The following CTNNA2 variants were observed in gnomAD, a reference collection of about 807,000 sequenced individuals.
The protein encoded by CTNNA2 is catenin alpha 2.
Under a neutral mutation model 101.0 loss-of-function variants are expected in CTNNA2, and 42 were observed. The ratio of observed to expected loss-of-function variants is 0.42; its 90% CI spans 0.32 to 0.54. CTNNA2 has a LOEUF of 0.54. CTNNA2 is among the 20% of genes least tolerant of loss of function. The pLI, the probability that CTNNA2 is intolerant of heterozygous loss-of-function variation, is 0.14. For missense variants in CTNNA2, 871 were observed against 1,223.1 expected (o/e 0.71, Z 4.29); for synonymous variants, 450 against 456.4 (o/e 0.99, Z 0.18).
intron 2 of CTNNA2, among the ~76,000 whole-genome samples, chr2:79,681,995 A>G (rs1230044932): frequency 2.6e-5 from 4 of 152,216 alleles, no homozygotes; most frequent in Non-Finnish European, 5.9e-5. Context: ...AATTCAAATG[A>G]GCAGAAATGT....
At chr2:79,695,595 T>C (rs979115675) in intron 2 of CTNNA2, among the ~76,000 whole-genome samples, 4 of 152,008 alleles carry the variant, frequency 2.6e-5, no homozygotes, top group African/African-American at 9.7e-5. Flanking sequence ...AGTGGAGTTT[T>C]CAGCCCTCTG....
At chr2:79,324,395 C>T (rs540050725) in intron 3 of CTNNA2, among the ~76,000 whole-genome samples, 1 of 152,166 alleles carries the variant, frequency 6.6e-6, no homozygotes, top group East Asian at 1.9e-4. Flanking sequence ...GGCATGGGGG[C>T]TGAGGCATAG....
chr2:80,392,966 G>A (rs1267607869), intron 7 of CTNNA2, among the ~76,000 whole-genome samples: 1 of 152,164 alleles, frequency 6.6e-6, no homozygotes, highest in African/African-American at 2.4e-5. Flanking sequence ...ACACAGATTT[G>A]TGTGGAGTTG....
chr2:80,361,631 G>GA (rs1674415246), intron 7 of CTNNA2, among the ~76,000 whole-genome samples: 1 of 152,082 alleles, frequency 6.6e-6, no homozygotes, highest in African/African-American at 2.4e-5. Flanking sequence ...GTCACAACTA[G>GA]AAAAATACAG....
chr2:79,308,164 C>T (rs1176878537), intron 2 of CTNNA2, among the ~76,000 whole-genome samples: 1 of 152,120 alleles, frequency 6.6e-6, no homozygotes, highest in Non-Finnish European at 1.5e-5. Flanking sequence ...CCTGCCTCAG[C>T]CTTCTGAGTA....
At position 80,300,775 on chromosome 2, in the gene CTNNA2, T is replaced by C. The variant is rs578049848; in HGVS notation, c.1057-92436T>C. 2.0e-5 allele frequency among the ~76,000 whole-genome samples: 3 copies of C among 152,270 alleles called. No homozygotes were observed. The East Asian group carries it at 5.8e-4, about 29-fold the overall frequency. ...AATCATACATTTGCTTAAATTGTCATCTGATGAAGGAGCCCTCCGTCCAAT... is the reference window on the plus strand; with the variant it reads ...AATCATACATTTGCTTAAATTGTCACCTGATGAAGGAGCCCTCCGTCCAAT... On this transcript the variant is annotated intron_variant, in intron 7 of 18. Coordinates refer to ENST00000402739, the MANE Select transcript of CTNNA2 (RefSeq NM_001282597.3).
chr2:79,462,007 G>A (rs997908543), intron 4 of CTNNA2, among the ~76,000 whole-genome samples: 2 of 152,048 alleles, frequency 1.3e-5, no homozygotes, highest in Non-Finnish European at 2.9e-5. Flanking sequence ...CAAATGTACA[G>A]TGTGTGAATT....
intron 2 of CTNNA2, among the ~76,000 whole-genome samples, chr2:79,235,973 T>C (rs1265972175): frequency 6.6e-6 from 1 of 152,192 alleles, no homozygotes; most frequent in African/African-American, 2.4e-5. Flanking sequence ...ACTTCTTGGC[T>C]GGAAGCTCTA....
chr2:80,601,152 A>C (rs978387831), intron 15 of CTNNA2, among the ~76,000 whole-genome samples: 8 of 152,112 alleles, frequency 5.3e-5, no homozygotes, highest in African/African-American at 1.9e-4. Context: ...CGTATGTATA[A>C]GCCTACTCCA....
chr2:79,518,182 T>C (rs769152076), intron 1 of CTNNA2, among the ~76,000 whole-genome samples: 1 of 152,238 alleles, frequency 6.6e-6, no homozygotes, highest in Non-Finnish European at 1.5e-5. Context: ...AAATCATATG[T>C]TGATTTTTCA....
intron 18 of CTNNA2, among the ~76,000 whole-genome samples, chr2:80,624,272 C>T (rs976120396): frequency 5.9e-5 from 9 of 151,956 alleles, no homozygotes; most frequent in African/African-American, 2.2e-4. Flanking sequence ...GCATTCTCAT[C>T]ATGACTGGAA....
chr2:79,877,803 A>T (rs1447776879), intron 6 of CTNNA2, among the ~76,000 whole-genome samples: 2 of 152,170 alleles, frequency 1.3e-5, no homozygotes, highest in Non-Finnish European at 2.9e-5. Flanking sequence ...TGCAAAATAT[A>T]TTTTCATAGA....
chr2:80,603,470 C>T (rs2149773423), intron 15 of CTNNA2: 1 of 152,088 alleles, frequency 6.6e-6, no homozygotes, highest in South Asian at 2.1e-4. Flanking sequence ...GAAATTCTGG[C>T]CAAACAGTTC....
intron 1 of CTNNA2, among the ~76,000 whole-genome samples, chr2:79,513,837 T>C (rs1296031205): frequency 6.6e-6 from 1 of 152,144 alleles, no homozygotes; most frequent in Non-Finnish European, 1.5e-5. Context: ...ATTTCCAGTG[T>C]GTGTCTCACC....
chr2:79,284,759 A>G (rs1675511518), intron 2 of CTNNA2, among the ~76,000 whole-genome samples: 1 of 150,380 alleles, frequency 6.6e-6, no homozygotes, highest in Non-Finnish European at 1.5e-5. Context: ...TGGTATCCGG[A>G]TGATGCTGGC....
chr2:80,043,290 T>C (rs1325086998), intron 7 of CTNNA2, among the ~76,000 whole-genome samples: 1 of 149,568 alleles, frequency 6.7e-6, no homozygotes, highest in Non-Finnish European at 1.5e-5. Flanking sequence ...CTCCACCTCC[T>C]GGGTTCAAGC....
At chr2:80,412,433 T>C (rs72914919) in intron 8 of CTNNA2, among the ~76,000 whole-genome samples, 2,133 of 152,322 alleles carry the variant, frequency 0.014, 57 homozygotes, top group African/African-American at 0.048. Flanking sequence ...CCCATGGCTA[T>C]ATAATGGAAC....
intron 7 of CTNNA2, among the ~76,000 whole-genome samples, chr2:80,359,150 A>T (rs1481044790): frequency 1.3e-5 from 2 of 152,120 alleles, no homozygotes; most frequent in Admixed American, 6.6e-5. Context: ...CTGAGGCAGG[A>T]GTATTACTTG....
chr2:79,446,907 T>C (rs1344685233), intron 4 of CTNNA2, among the ~76,000 whole-genome samples: 1 of 152,060 alleles, frequency 6.6e-6, no homozygotes, highest in East Asian at 1.9e-4. Flanking sequence ...TACTGTTTAA[T>C]TTTCCTCCAA....
Sources: gnomAD v4.1 joint callset for allele counts (sites outside exome capture counted in the v4.1 genomes callset) on GRCh38, gnomAD v4.1.1 for gene constraint, MANE v1.5 for transcripts, NCBI Gene and HGNC (gene_info 2026-07-23, HGNC 2026-07-21) for gene names.